Variants in SNAP91 observed in about 807,000 individuals in gnomAD.
The protein encoded by SNAP91 is synaptosome associated protein 91, also known as clathrin coat assembly protein AP180.
SNAP91 carries 27 observed loss-of-function variants against 100.3 expected under a neutral mutation model. The ratio of observed to expected loss-of-function variants is 0.27; its 90% CI spans 0.20 to 0.37. The LOEUF is 0.37. Ranked by LOEUF, SNAP91 falls within the 10% of genes least tolerant of loss-of-function variation. SNAP91 has a pLI of 1.00. For synonymous variants in SNAP91, 404 were observed against 398.6 expected, an observed-to-expected ratio of 1.01 and a Z score of -0.16; for missense variants, 986 against 1,123.7, an observed-to-expected ratio of 0.88 and a Z score of 1.75.
intron 2 of SNAP91, among the ~76,000 whole-genome samples, chr6:83,668,215 C>G (rs1397460599): frequency 6.6e-6 from 1 of 152,116 alleles, no homozygotes; most frequent in African/African-American, 2.4e-5. Context: ...AATAGGAACA[C>G]TTTTACACTG....
At position 83,605,682 on chromosome 6, in the gene SNAP91, C is replaced by T. The variant is rs778050431; in HGVS notation, c.1141+3G>A. 4.5e-6 allele frequency: 7 copies of T among 1,551,428 alleles called. No individual in the cohort carries two copies. The South Asian group carries it at 8.3e-5, about 18-fold the overall frequency. On this transcript the variant is annotated splice_donor_region_variant and intron_variant, in intron 14 of 29. Coordinates refer to ENST00000369694, the MANE Select transcript of SNAP91 (RefSeq NM_001242792.2). ...AATGGCAAGGTTGTCTGGTTTTACT[C>T]ACCTCCCCATGCAGTGGCTCCTCCA...
At chr6:83,641,335 G>A (rs1422426622) in intron 7 of SNAP91, 133 bp from the exon 8 acceptor site, 6 of 488,462 alleles carry the variant, frequency 1.2e-5, no homozygotes, top group Middle Eastern at 5.2e-4. Flanking sequence ...ACTTATATGA[G>A]GTATTAAGGC....
chr6:83,616,709 C>T (rs1220526632), intron 10 of SNAP91, among the ~76,000 whole-genome samples: 1 of 152,092 alleles, frequency 6.6e-6, no homozygotes, highest in Admixed American at 6.5e-5. Context: ...TGAATTCCTT[C>T]TAAAGGCAAA....
At chr6:83,639,400 TC>T (rs1443440106) in intron 8 of SNAP91, among the ~76,000 whole-genome samples, 1 of 152,204 alleles carries the variant, frequency 6.6e-6, no homozygotes, top group Non-Finnish European at 1.5e-5. Flanking sequence ...GTTATGGTTG[TC>T]CCATTGTGAT....
At chr6:83,660,367 T>C (rs1199956131) in intron 5 of SNAP91, among the ~76,000 whole-genome samples, 1 of 152,210 alleles carries the variant, frequency 6.6e-6, no homozygotes, top group Non-Finnish European at 1.5e-5. Flanking sequence ...GTTGATGTTT[T>C]TCACCACCAT....
intron 6 of SNAP91, 90 bp downstream of exon 6, chr6:83,658,909 C>T: frequency 1.1e-6 from 1 of 935,430 alleles, no homozygotes; most frequent in African/African-American, 1.7e-5. Flanking sequence ...TAGCTGCTTC[C>T]CGAGGAAATC....
At chr6:83,646,584 C>A (rs1275129796) in intron 7 of SNAP91, among the ~76,000 whole-genome samples, 1 of 152,082 alleles carries the variant, frequency 6.6e-6, no homozygotes, top group Non-Finnish European at 1.5e-5. Flanking sequence ...TTGCCAATAC[C>A]ACAATATCTT....
intron 2 of SNAP91, among the ~76,000 whole-genome samples, chr6:83,675,847 C>A (rs2098869108): frequency 6.6e-6 from 1 of 151,262 alleles, no homozygotes; most frequent in Admixed American, 6.6e-5. Flanking sequence ...CACACACACA[C>A]ACACACACAC....
Position 83,601,366 on chromosome 6 carries a change from G to A in SNAP91, c.1229C>T (p.Pro410Leu). ...TGCAATTTCAGCAGTTGTAGTAGGA[G>A]GGGTAGGTTCTGGTGCAAATGGATC... ...ISDPFAPEPT[P>L]PTTTAEIATA... The change falls in exon 16 of 30, where the codon CCT becomes CTT. Residue 410 changes from proline to leucine, a missense_variant. Pro to Leu is a moderately conservative substitution (Grantham distance 98, BLOSUM62 -3). Transcript: ENST00000369694. 1.2e-6 allele frequency: 2 copies of A among 1,613,674 alleles called. No homozygotes were observed. The highest frequency in any genetic ancestry group is 1.7e-6 in the Non-Finnish European group (2 of 1,179,800).
At chr6:83,628,713 G>A (rs1234261728) in intron 8 of SNAP91, among the ~76,000 whole-genome samples, 4 of 151,398 alleles carry the variant, frequency 2.6e-5, no homozygotes, top group Admixed American at 1.3e-4. Context: ...CTTTTTGATG[G>A]GATTTTTTTT....
intron 2 of SNAP91, among the ~76,000 whole-genome samples, chr6:83,704,620 T>A (rs770892070): frequency 6.6e-6 from 1 of 152,132 alleles, no homozygotes; most frequent in Non-Finnish European, 1.5e-5. Context: ...AAAGAATTTA[T>A]CATTTAAACC....
At chr6:83,660,789 T>C (rs2098527661) in intron 5 of SNAP91, among the ~76,000 whole-genome samples, 1 of 152,026 alleles carries the variant, frequency 6.6e-6, no homozygotes, top group South Asian at 2.1e-4. Context: ...TCTTTTTTTT[T>C]TTTGACACAG....
chr6:83,601,360 G>A lies in SNAP91; in HGVS notation c.1235C>T (p.Thr412Ile). The A allele has an allele frequency of 1.2e-6, 2 of 1,613,714 alleles. No individual in the cohort carries two copies. The highest frequency in any genetic ancestry group is 1.7e-6 in the Non-Finnish European group (2 of 1,179,816). ...DPFAPEPTPP[T>I]TTAEIATASA... ...GGCAGTTGCAATTTCAGCAGTTGTA[G>A]TAGGAGGGGTAGGTTCTGGTGCAAA... Residue 412 changes from threonine (T) to isoleucine (I), a missense_variant, in exon 16 of 30, where the codon ACT becomes ATT. Coordinates refer to ENST00000369694, the MANE Select transcript of SNAP91 (RefSeq NM_001242792.2).
Position 83,617,033 on chromosome 6 carries a change from T to A in SNAP91, c.814A>T (p.Ser272Cys). Residue 272 changes from serine (S) to cysteine (C), a missense_variant, in exon 10 of 30, where the codon AGC (serine) becomes TGC (cysteine). Transcript: ENST00000369694. ...GDIPDLTQAP[S>C]SLMETLEQHL... ...TGTTCAAGCGTCTCCATAAGACTGCTGGGAGCCTACAATAAGAAAGTAAAA... is the reference window on the plus strand; with the variant it reads ...TGTTCAAGCGTCTCCATAAGACTGCAGGGAGCCTACAATAAGAAAGTAAAA... The A allele has an allele frequency of 6.5e-7, 1 of 1,539,738 alleles. No individual in the cohort carries two copies. The highest frequency in any genetic ancestry group is 8.8e-7 in the Non-Finnish European group (1 of 1,141,234).
In SNAP91 at chr6:83,703,524, C is replaced by A. The variant is rs958511286; in HGVS notation, c.130+4274G>T. Reference sequence around the variant, plus strand: ...CTCACAAAATTTCTTACTTTTTTTGCAGATACTTTATGAATAAAATTAAAG... The same window carrying A: ...CTCACAAAATTTCTTACTTTTTTTGAAGATACTTTATGAATAAAATTAAAG... On this transcript the variant is annotated intron_variant, in intron 2 of 29. Coordinates refer to ENST00000369694, the MANE Select transcript of SNAP91 (RefSeq NM_001242792.2). Among the ~76,000 whole-genome samples, 7 of 152,082 alleles carry A rather than the reference C, an allele frequency of 4.6e-5. No homozygotes were observed. The South Asian group carries it at 1.5e-3, about 32-fold the overall frequency.
intron 16 of SNAP91, among the ~76,000 whole-genome samples, chr6:83,599,812 G>C (rs1583138276): frequency 6.6e-6 from 1 of 152,032 alleles, no homozygotes; most frequent in Middle Eastern, 3.4e-3. Context: ...TTTGAGACAG[G>C]GCCTTGCTCT....
At chr6:83,653,898 C>A (rs529797361) in intron 7 of SNAP91, among the ~76,000 whole-genome samples, 6 of 152,158 alleles carry the variant, frequency 3.9e-5, no homozygotes, top group African/African-American at 1.4e-4. Context: ...ATTTCTCTTG[C>A]CCCAGTCCAG....
intron 6 of SNAP91, 136 bp downstream of exon 6, chr6:83,658,863 C>A: frequency 1.5e-6 from 1 of 659,614 alleles, no homozygotes; most frequent in Admixed American, 2.9e-5. Context: ...CCGAGCTTAA[C>A]AGCCTGAACT....
intron 9 of SNAP91, among the ~76,000 whole-genome samples, 163 bp downstream of exon 9, chr6:83,623,138 A>G (rs1018506896): frequency 6.6e-6 from 1 of 152,172 alleles, no homozygotes; most frequent in Admixed American, 6.5e-5. Flanking sequence ...CCAGAAATAT[A>G]TTCAATGGCT....
Sources: allele counts gnomAD v4.1 joint callset (sites outside exome capture counted in the v4.1 genomes callset), GRCh38; gene constraint gnomAD v4.1.1; transcripts MANE v1.5; gene names NCBI Gene and HGNC (gene_info 2026-07-23, HGNC 2026-07-21).